DLAT: variants seen among roughly 807,000 people sequenced by gnomAD.
DLAT encodes dihydrolipoamide S-acetyltransferase.
In DLAT, 43 loss-of-function variants were observed where a neutral mutation model predicts 68.0. The observed-to-expected ratio is 0.63, with a 90% CI of 0.50 to 0.81. DLAT has a LOEUF of 0.81. Among genes scored for constraint, DLAT ranks in the 40% least tolerant of loss-of-function variants. DLAT has a pLI of 0.00. For missense variants in DLAT, 745 were observed against 815.4 expected (o/e 0.91, Z 1.05); for synonymous variants, 265 against 288.6 (o/e 0.92, Z 0.83).
Position 112,025,490 on chromosome 11 carries a change from G to C in DLAT, c.18G>C (p.Ala6=), listed in dbSNP as rs970017405. The change falls in exon 1 of 14, where the codon GCG becomes GCC. Residue 6 remains alanine (A), a synonymous_variant. Coordinates refer to ENST00000280346, the MANE Select transcript of DLAT (RefSeq NM_001931.5). Reference sequence around the variant, plus strand: ...GTGGCACTATGTGGCGCGTCTGTGCGCGACGGGCTCAGAATGTAGCCCCAT... The same window carrying C: ...GTGGCACTATGTGGCGCGTCTGTGCCCGACGGGCTCAGAATGTAGCCCCAT... MWRVC[A]RRAQNVAPWA... 6.2e-7 allele frequency: 1 copy of C among 1,613,396 alleles called. No homozygotes were observed. The highest frequency in any genetic ancestry group is 1.3e-5 in the African/African-American group (1 of 74,930).
chr11:112,059,381 C>T (rs1238538665), intron 11 of DLAT, among the ~76,000 whole-genome samples: 3 of 133,860 alleles, frequency 2.2e-5, no homozygotes, highest in Admixed American at 8.0e-5. Flanking sequence ...TCTTGGCAGG[C>T]GGTGGGGTCA....
rs782356632 is a variant in DLAT at position 112,028,838 on chromosome 11, G to GCAGCACCTACCCCACAAGCGGCCC, written c.561_584dup (p.Gln190_Pro197dup). On this transcript the variant is annotated inframe_insertion, in exon 4 of 14. Coordinates refer to ENST00000280346, the MANE Select transcript of DLAT (RefSeq NM_001931.5). ...TAAAAATTATACACTGGATTCCTCA[G>GCAGCACCTACCCCACAAGCGGCCC]CAGCACCTACCCCACAAGCGGCCCC... 34 of 1,613,996 alleles carry GCAGCACCTACCCCACAAGCGGCCC rather than the reference G, an allele frequency of 2.1e-5. No individual in the cohort carries two copies. The highest frequency in any genetic ancestry group is 2.6e-5 in the Non-Finnish European group (31 of 1,180,034).
intron 11 of DLAT, 52 bp from the exon 12 acceptor site, chr11:112,059,851 A>G: frequency 1.4e-6 from 2 of 1,456,118 alleles, no homozygotes; most frequent in Admixed American, 2.1e-5. Context: ...AACCTGGCAC[A>G]CAGGCTCTTA....
In DLAT at chr11:112,062,718, T is replaced by C. The variant is rs1432272610; in HGVS notation, c.*183T>C. ...TTAAAATGCCGATTACACCCAAATATTGTGCACATTTAATAATCAGACACC... is the reference window on the plus strand; with the variant it reads ...TTAAAATGCCGATTACACCCAAATACTGTGCACATTTAATAATCAGACACC... On this transcript the variant is annotated 3_prime_UTR_variant, in exon 14 of 14. Transcript: ENST00000280346. The C allele has an allele frequency of 4.6e-6, 3 of 653,080 alleles. No individual in the cohort carries two copies. Among genetic ancestry groups the C allele is most frequent in the Non-Finnish European group, 7.6e-6 (3 of 392,524 alleles). The allele number at this position is 653,080 out of a possible 1,614,324, so 40.5% of individuals were successfully genotyped here.
chr11:112,064,268 T>A lies in DLAT; in HGVS notation c.*1733T>A. ...TTGCCTTCTAATAAACATTGTTGAGTTAAAAATTAATCTGAGCTATAATCT... is the reference window on the plus strand; with the variant it reads ...TTGCCTTCTAATAAACATTGTTGAGATAAAAATTAATCTGAGCTATAATCT... On this transcript the variant is annotated 3_prime_UTR_variant, in exon 14 of 14. Transcript: ENST00000280346. 1 of 1,477,152 alleles carries A rather than the reference T, an allele frequency of 6.8e-7. No homozygotes were observed. The highest frequency in any genetic ancestry group is 9.1e-7 in the Non-Finnish European group (1 of 1,100,106). 91.5% of individuals were successfully genotyped at this position (1,477,152 alleles called of 1,614,324 possible).
intron 10 of DLAT, among the ~76,000 whole-genome samples, chr11:112,050,674 T>C (rs1032458806): frequency 6.6e-6 from 1 of 152,186 alleles, no homozygotes; most frequent in Non-Finnish European, 1.5e-5. Context: ...GATAGTAATG[T>C]CCCCTATTTC....
At chr11:112,026,146 G>T in intron 1 of DLAT, 52 bp from the exon 2 acceptor site, 2 of 1,323,010 alleles carry the variant, frequency 1.5e-6, no homozygotes, top group South Asian at 1.2e-5. Flanking sequence ...AAGCCAGACT[G>T]AGAGTTAGGT....
chr11:112,058,524 A>G (rs1555182825), intron 11 of DLAT, among the ~76,000 whole-genome samples: 1 of 148,412 alleles, frequency 6.7e-6, no homozygotes, highest in East Asian at 2.1e-4. Flanking sequence ...TCGATTGCAG[A>G]ACACTAGCAG....
intron 7 of DLAT, among the ~76,000 whole-genome samples, chr11:112,039,889 CT>C (rs1392301045): frequency 2.0e-5 from 3 of 152,114 alleles, no homozygotes; most frequent in Admixed American, 2.0e-4. Flanking sequence ...AAAAATATAG[CT>C]TTGTGATAAG....
At chr11:112,055,036 A>G (rs1453622155) in intron 11 of DLAT, among the ~76,000 whole-genome samples, 1 of 152,038 alleles carries the variant, frequency 6.6e-6, no homozygotes, top group Non-Finnish European at 1.5e-5. Flanking sequence ...CCTTTTTCCA[A>G]ATAAGGTCAC....
In DLAT at chr11:112,055,848, C is replaced by CTTTT. The variant is rs71060212; in HGVS notation, c.1515-4020_1515-4017dup. Among the ~76,000 whole-genome samples the CTTTT allele has an allele frequency of 5.0e-4, 16 of 31,990 alleles. 8 individuals are homozygous for CTTTT. The highest frequency in any genetic ancestry group is 2.6e-3 in the East Asian group (2 of 768). 21.0% of individuals were successfully genotyped at this position (31,990 alleles called of 152,430 possible). A position where few individuals can be genotyped will look rare whatever the true frequency, so the allele number is the denominator to read the frequency against. On this transcript the variant is annotated intron_variant, in intron 11 of 13. Coordinates refer to ENST00000280346, the MANE Select transcript of DLAT (RefSeq NM_001931.5). The stretch of plus-strand genomic sequence containing the variant: ...TCTCCTCTGTGCCAGCATATAGACA[C>CTTTT]TTTTTTTTTTTTTTTTTTTTTTTTT...
intron 11 of DLAT, among the ~76,000 whole-genome samples, chr11:112,054,265 G>A (rs1409097640): frequency 1.3e-5 from 2 of 152,112 alleles, no homozygotes; most frequent in Non-Finnish European, 2.9e-5. Context: ...GCAGTGAGCT[G>A]GGATTGCACG....
At chr11:112,055,235 A>ATT (rs66865041) in intron 11 of DLAT, among the ~76,000 whole-genome samples, 2,149 of 75,472 alleles carry the variant, frequency 0.028, 353 homozygotes, top group Non-Finnish European at 0.034. Flanking sequence ...GTCAAGGCCT[A>ATT]TTTTTTTTTT....
At chr11:112,059,554 A>T (rs1290030261) in intron 11 of DLAT, among the ~76,000 whole-genome samples, 54 of 151,984 alleles carry the variant, frequency 3.6e-4, no homozygotes, top group Admixed American at 3.5e-3. Context: ...CACCATGCCC[A>T]GCTAACTTTT....
chr11:112,054,700 T>C (rs587686479), intron 11 of DLAT, among the ~76,000 whole-genome samples: 56 of 152,376 alleles, frequency 3.7e-4, no homozygotes, highest in African/African-American at 1.3e-3. Context: ...CTGCCATTAT[T>C]AATGACCACA....
chr11:112,043,225 T>C (rs782465862), intron 7 of DLAT, among the ~76,000 whole-genome samples: 1 of 152,192 alleles, frequency 6.6e-6, no homozygotes, highest in East Asian at 1.9e-4. Flanking sequence ...ATATTTGCAG[T>C]AGTTAAAAAG....
intron 5 of DLAT, 111 bp from the exon 6 acceptor site, chr11:112,037,162 G>A (rs1475652559): frequency 9.9e-7 from 1 of 1,008,624 alleles, no homozygotes; most frequent in Non-Finnish European, 1.5e-6. Flanking sequence ...TGCAAAAAAG[G>A]CTATATAGCT....
Position 112,059,919 on chromosome 11 carries a change from G to A in DLAT, c.1531G>A (p.Val511Ile). ...TTTAAACAGAAATCATGTTGTTGAT[G>A]TCAGTGTTGCGGTCAGTACTCCTGC... Reference protein sequence around the residue: ...TVIRQNHVVDVSVAVSTPAGL... With the variant: ...TVIRQNHVVDISVAVSTPAGL... The change falls in exon 12 of 14, where the codon GTC (valine) becomes ATC (isoleucine). Residue 511 changes from valine (V) to isoleucine (I), a missense_variant. Coordinates refer to ENST00000280346, the MANE Select transcript of DLAT (RefSeq NM_001931.5). 1 of 1,609,652 alleles carries A rather than the reference G, an allele frequency of 6.2e-7. No homozygotes were observed. Among genetic ancestry groups the A allele is most frequent in the Non-Finnish European group, 8.5e-7 (1 of 1,177,982 alleles).
At chr11:112,038,940 T>C (rs1862912430) in intron 6 of DLAT, among the ~76,000 whole-genome samples, 1 of 151,994 alleles carries the variant, frequency 6.6e-6, no homozygotes, top group South Asian at 2.1e-4. Context: ...TGGTAAGAGA[T>C]TAAAGTGAAG....
Sources: gnomAD v4.1 joint callset for allele counts (sites outside exome capture counted in the v4.1 genomes callset) on GRCh38, gnomAD v4.1.1 for gene constraint, MANE v1.5 for transcripts, NCBI Gene and HGNC (gene_info 2026-07-23, HGNC 2026-07-21) for gene names.